Variants in TMTC2 observed in about 807,000 individuals in gnomAD.
TMTC2 encodes protein O-mannosyl-transferase TMTC2.
Under a neutral mutation model 82.4 loss-of-function variants are expected in TMTC2, and 43 were observed. The ratio of observed to expected loss-of-function variants is 0.52; its 90% confidence interval spans 0.41 to 0.67. TMTC2 has a LOEUF of 0.67. Ranked by LOEUF, TMTC2 falls within the 30% of genes least tolerant of loss-of-function variation. The probability of loss-of-function intolerance (pLI) is 0.00; values close to 1 mark genes in which losing one functional copy is unlikely to be tolerated. For missense variants in TMTC2, 919 were observed against 1,012.4 expected (o/e 0.91, Z 1.25); for synonymous variants, 408 against 381.9 (o/e 1.07, Z -0.80).
intron 1 of TMTC2, among the ~76,000 whole-genome samples, chr12:82,736,653 G>T (rs1273623684): frequency 6.6e-6 from 1 of 152,088 alleles, no homozygotes; most frequent in East Asian, 1.9e-4. Context: ...TATGGTCTGG[G>T]CATTATTCCC....
At chr12:82,965,909 G>T in intron 6 of TMTC2, 165 bp downstream of exon 6, 4 of 663,668 alleles carry the variant, frequency 6.0e-6, no homozygotes, top group Non-Finnish European at 7.3e-6. Flanking sequence ...ACATTGGAAT[G>T]GTTTTTTGAT....
In TMTC2 at chr12:83,082,742, A is replaced by G. The variant is rs371830272; in HGVS notation, c.2331+20911A>G. Among the ~76,000 whole-genome samples the G allele has an allele frequency of 2.2e-4, 34 of 152,360 alleles. 1 individual carries two copies. The highest frequency in any genetic ancestry group is 7.7e-4 in the African/African-American group (32 of 41,592). ...CTGTTCACTCCCAGCATAACACTTCACAAAGAAACTGGGTTTTTGGGTTTT... is the reference window on the plus strand; with the variant it reads ...CTGTTCACTCCCAGCATAACACTTCGCAAAGAAACTGGGTTTTTGGGTTTT... On this transcript the variant is annotated intron_variant, in intron 11 of 11. Transcript: ENST00000321196.
At chr12:83,013,661 A>C (rs1379933087) in intron 8 of TMTC2, among the ~76,000 whole-genome samples, 1 of 152,250 alleles carries the variant, frequency 6.6e-6, no homozygotes, top group Non-Finnish European at 1.5e-5. Flanking sequence ...GATGTGAAAT[A>C]TGACTGATTT....
Position 83,103,420 on chromosome 12 carries a change from A to G in TMTC2, c.2332-28790A>G, listed in dbSNP as rs956681877. Among the ~76,000 whole-genome samples, 4 of 152,124 alleles carry G rather than the reference A, an allele frequency of 2.6e-5. 1 individual carries two copies. Among genetic ancestry groups the G allele is most frequent in the Admixed American group, 2.6e-4 (4 of 15,272 alleles). ...GCTGTACAGGAAGCATGGCACCAAA[A>G]TCTGCTCAGCTTCTCAGGAGGCCTC... is the stretch of plus-strand genomic sequence containing the variant. On this transcript the variant is annotated intron_variant, in intron 11 of 11. Coordinates refer to ENST00000321196, the MANE Select transcript of TMTC2 (RefSeq NM_152588.3).
chr12:82,730,144 C>A (rs1342943840), intron 1 of TMTC2, among the ~76,000 whole-genome samples: 1 of 151,944 alleles, frequency 6.6e-6, no homozygotes, highest in East Asian at 1.9e-4. Flanking sequence ...CAAGAACCTA[C>A]CAATCCCAGA....
chr12:82,961,925 C>T (rs1484791173), intron 4 of TMTC2, among the ~76,000 whole-genome samples: 1 of 152,044 alleles, frequency 6.6e-6, no homozygotes, highest in Non-Finnish European at 1.5e-5. Context: ...AGAAATCAGT[C>T]ACAATAGTCA....
intron 2 of TMTC2, among the ~76,000 whole-genome samples, chr12:82,881,893 A>C (rs1432390235): frequency 1.3e-5 from 2 of 152,216 alleles, no homozygotes; most frequent in African/African-American, 4.8e-5. Flanking sequence ...TCAGAGTAAT[A>C]AGATACATAG....
chr12:82,917,943 G>A (rs1374466589), intron 3 of TMTC2, among the ~76,000 whole-genome samples: 1 of 151,788 alleles, frequency 6.6e-6, no homozygotes, highest in East Asian at 2.0e-4. Context: ...TGTCACCCAG[G>A]CTAGAGTGCA....
intron 3 of TMTC2, among the ~76,000 whole-genome samples, chr12:82,925,863 G>T (rs1434070175): frequency 6.6e-6 from 1 of 152,116 alleles, no homozygotes; most frequent in Non-Finnish European, 1.5e-5. Flanking sequence ...AGGAAGAGTG[G>T]CATGTCTCTC....
At chr12:83,032,146 AATAGGAGGTTTTTTTTTCC>A (rs1464473668) in intron 9 of TMTC2, among the ~76,000 whole-genome samples, 1 of 151,384 alleles carries the variant, frequency 6.6e-6, no homozygotes, top group African/African-American at 2.4e-5. Context: ...CATGTTATAA[AATAGGAGGTTTTTTTTTCC>A]CACTATCTGC....
chr12:82,929,729 G>A (rs1875922681), intron 3 of TMTC2, among the ~76,000 whole-genome samples: 1 of 152,100 alleles, frequency 6.6e-6, no homozygotes, highest in South Asian at 2.1e-4. Context: ...GTTCACTGGA[G>A]AGCCGTACTA....
intron 1 of TMTC2, among the ~76,000 whole-genome samples, chr12:82,842,702 G>T (rs189084940): frequency 6.6e-6 from 1 of 152,246 alleles, no homozygotes; most frequent in African/African-American, 2.4e-5. Context: ...TCAAGATCAT[G>T]GTGTCAGCAG....
chr12:82,983,498 G>A lies in TMTC2; in HGVS notation c.1949-2427G>A, dbSNP rs887056534. Among the ~76,000 whole-genome samples, 8 of 151,864 alleles carry A rather than the reference G, an allele frequency of 5.3e-5. No individual in the cohort carries two copies. The South Asian group carries it at 6.2e-4, about 12-fold the overall frequency. On this transcript the variant is annotated intron_variant, in intron 7 of 11. Transcript: ENST00000321196. ...ATAACTTTCTGACTTGGAAAAAAAA[G>A]CAAGTATACTTTCTGAAATAAATTT... is the stretch of plus-strand genomic sequence containing the variant.
At chr12:82,742,847 C>G (rs1043454026) in intron 1 of TMTC2, among the ~76,000 whole-genome samples, 2 of 152,096 alleles carry the variant, frequency 1.3e-5, no homozygotes, top group Admixed American at 1.3e-4. Context: ...TCTTCATTCC[C>G]TAGATCGAGT....
intron 11 of TMTC2, among the ~76,000 whole-genome samples, chr12:83,106,449 A>C (rs1884398669): frequency 6.7e-6 from 1 of 150,116 alleles, no homozygotes; most frequent in Admixed American, 6.7e-5. Context: ...CAGTGAGCCG[A>C]GATCACGCCA....
intron 4 of TMTC2, among the ~76,000 whole-genome samples, chr12:82,950,129 G>C (rs1185805831): frequency 1.3e-5 from 2 of 152,114 alleles, no homozygotes; most frequent in Admixed American, 6.5e-5. Flanking sequence ...TTTGAAGCCT[G>C]ATACCTCTGA....
intron 9 of TMTC2, among the ~76,000 whole-genome samples, chr12:83,049,338 C>T (rs1309705138): frequency 1.3e-5 from 2 of 152,092 alleles, no homozygotes; most frequent in Non-Finnish European, 1.5e-5. Context: ...AGTAGCTCCT[C>T]GTGTCCATTG....
At chr12:82,935,085 C>G (rs1207408257) in intron 4 of TMTC2, among the ~76,000 whole-genome samples, 1 of 151,876 alleles carries the variant, frequency 6.6e-6, no homozygotes, top group African/African-American at 2.4e-5. Context: ...GTTTTAGTAA[C>G]TGTTAGTGAG....
chr12:82,949,509 C>A (rs960847274), intron 4 of TMTC2, among the ~76,000 whole-genome samples: 3 of 152,064 alleles, frequency 2.0e-5, no homozygotes, highest in African/African-American at 7.2e-5. Context: ...TATCTGGCAA[C>A]CTTGTACTTT....
Sources: gnomAD v4.1 joint callset for allele counts (sites outside exome capture counted in the v4.1 genomes callset) on GRCh38, gnomAD v4.1.1 for gene constraint, MANE v1.5 for transcripts, NCBI Gene and HGNC (gene_info 2026-07-23, HGNC 2026-07-21) for gene names.